The following MRTFA variants were observed in gnomAD, a reference collection of about 807,000 sequenced individuals.
MRTFA encodes the protein myocardin-related transcription factor A.
MRTFA carries 20 observed loss-of-function variants against 83.5 expected under a neutral mutation model. The observed-to-expected ratio is 0.24, with a 90% confidence interval of 0.17 to 0.35. MRTFA has a LOEUF of 0.35. MRTFA is among the 10% of genes least tolerant of loss of function. The pLI, the probability that MRTFA is intolerant of heterozygous loss-of-function variation, is 1.00. For synonymous variants in MRTFA, 659 were observed against 541.2 expected (o/e 1.22, Z -3.02); for missense variants, 1,200 against 1,224.7 (o/e 0.98, Z 0.30).
chr22:40,636,118 A>C (rs1035515339), intron 1 of MRTFA, among the ~76,000 whole-genome samples: 3 of 152,210 alleles, frequency 2.0e-5, no homozygotes, highest in African/African-American at 7.2e-5. Flanking sequence ...ACAAGACCCC[A>C]GAGAAAGCGG....
intron 1 of MRTFA, among the ~76,000 whole-genome samples, chr22:40,622,981 A>C (rs1373677330): frequency 6.6e-6 from 1 of 152,188 alleles, no homozygotes; most frequent in African/African-American, 2.4e-5. Flanking sequence ...TAAAGTGAGA[A>C]AGAGAAGATG....
intron 1 of MRTFA, among the ~76,000 whole-genome samples, chr22:40,629,860 G>A (rs1253741268): frequency 1.3e-5 from 2 of 149,966 alleles, no homozygotes; most frequent in Non-Finnish European, 3.0e-5. Context: ...GAGGCAGAAG[G>A]ATCACTTAAG....
chr22:40,413,996 A>T (rs2052620911), intron 14 of MRTFA, among the ~76,000 whole-genome samples: 1 of 152,218 alleles, frequency 6.6e-6, no homozygotes, highest in Non-Finnish European at 1.5e-5. Flanking sequence ...AAAACGTTAC[A>T]GCTGCAGTGG....
intron 1 of MRTFA, among the ~76,000 whole-genome samples, chr22:40,608,285 G>A (rs914385084): frequency 6.6e-6 from 1 of 152,112 alleles, no homozygotes; most frequent in African/African-American, 2.4e-5. Flanking sequence ...AACAGTTCTG[G>A]GATTACAGGC....
intron 3 of MRTFA, among the ~76,000 whole-genome samples, chr22:40,547,062 G>A (rs895537327): frequency 1.3e-5 from 2 of 152,094 alleles, no homozygotes; most frequent in Non-Finnish European, 2.9e-5. Context: ...GGCTGAGGCA[G>A]GAGAATGGTG....
chr22:40,554,353 T>C (rs1358834978), intron 2 of MRTFA, among the ~76,000 whole-genome samples: 3 of 152,214 alleles, frequency 2.0e-5, no homozygotes, highest in African/African-American at 7.2e-5. Flanking sequence ...TGAACTGTAG[T>C]TCCCATAATC....
intron 2 of MRTFA, among the ~76,000 whole-genome samples, chr22:40,556,232 G>A (rs1641531497): frequency 1.3e-5 from 2 of 152,130 alleles, no homozygotes; most frequent in African/African-American, 4.8e-5. Flanking sequence ...AAACTTTTAT[G>A]AGGACTTTAA....
chr22:40,534,771 T>A (rs1275821254), intron 3 of MRTFA, among the ~76,000 whole-genome samples: 1 of 152,236 alleles, frequency 6.6e-6, no homozygotes, highest in Non-Finnish European at 1.5e-5. Context: ...AATCCATGTT[T>A]GGTGTGTTTA....
intron 4 of MRTFA, among the ~76,000 whole-genome samples, chr22:40,460,144 G>A (rs1423978624): frequency 6.6e-6 from 1 of 151,794 alleles, no homozygotes; most frequent in Non-Finnish European, 1.5e-5. Flanking sequence ...AGGCTGGTCT[G>A]GAATTCCTGA....
chr22:40,581,303 A>C (rs2055943874), intron 2 of MRTFA, among the ~76,000 whole-genome samples: 1 of 152,190 alleles, frequency 6.6e-6, no homozygotes, highest in African/African-American at 2.4e-5. Flanking sequence ...ACACGTGTAC[A>C]TGTTTCCTTT....
At chr22:40,421,221 A>G in intron 9 of MRTFA, 121 bp from the exon 10 acceptor site, 1 of 1,161,856 alleles carries the variant, frequency 8.6e-7, no homozygotes, top group East Asian at 2.6e-5. Flanking sequence ...CACTTTGCCC[A>G]TTTCCACTCT....
chr22:40,411,585 G>A lies in MRTFA; in HGVS notation c.2901C>T (p.His967=), dbSNP rs2064824106. The change falls in exon 15 of 15, where the codon CAC becomes CAT. Residue 967 remains histidine, a synonymous_variant. Coordinates refer to ENST00000355630, the MANE Select transcript of MRTFA (RefSeq NM_020831.6). ...TGGTGCTGCTGGGCTCAGGAACAAA[G>A]TGCAATTCCGAGGTGTCCATGGGTG... The A allele has an allele frequency of 6.2e-7, 1 of 1,613,778 alleles. No individual in the cohort carries two copies. Among genetic ancestry groups the A allele is most frequent in the Non-Finnish European group, 8.5e-7 (1 of 1,179,998 alleles).
intron 2 of MRTFA, chr22:40,587,086 G>A (rs1392640390): frequency 2.2e-5 from 10 of 452,694 alleles, no homozygotes; most frequent in East Asian, 1.3e-4. Flanking sequence ...AGGACTCTAC[G>A]ATGAATCTTC....
intron 3 of MRTFA, among the ~76,000 whole-genome samples, chr22:40,478,150 G>A (rs1413517424): frequency 2.6e-5 from 4 of 152,160 alleles, no homozygotes; most frequent in African/African-American, 7.2e-5. Context: ...AAAGGAGGAA[G>A]TGGAGGTGAA....
intron 3 of MRTFA, chr22:40,463,520 T>C: frequency 6.6e-6 from 3 of 451,152 alleles, no homozygotes; most frequent in South Asian, 3.5e-5. Flanking sequence ...GCGATAACAA[T>C]CCACAAAGCA....
chr22:40,632,805 C>G (rs1212083319), intron 1 of MRTFA, among the ~76,000 whole-genome samples: 1 of 152,156 alleles, frequency 6.6e-6, no homozygotes, highest in Non-Finnish European at 1.5e-5. Flanking sequence ...TCCTGACTCA[C>G]AGAAACTGTG....
chr22:40,623,239 A>AC (rs1351067270), intron 1 of MRTFA, among the ~76,000 whole-genome samples: 2 of 152,138 alleles, frequency 1.3e-5, no homozygotes, highest in African/African-American at 4.8e-5. Flanking sequence ...CCCTTTACCC[A>AC]GCTCCAATCT....
At chr22:40,502,866 C>A (rs1336960988) in intron 3 of MRTFA, among the ~76,000 whole-genome samples, 1 of 152,204 alleles carries the variant, frequency 6.6e-6, no homozygotes, top group Admixed American at 6.5e-5. Flanking sequence ...TTACAATCTC[C>A]TTTATGAAGA....
In MRTFA at chr22:40,459,816, C is replaced by T. The variant is rs1294409490; in HGVS notation, c.307+3405G>A. On this transcript the variant is annotated intron_variant, in intron 4 of 14. Transcript: ENST00000355630. ...ACACACACACACACACACACACACA[C>T]ACACACATATATACATATATATATA... Among the ~76,000 whole-genome samples the T allele has an allele frequency of 8.7e-4, 82 of 94,302 alleles. No individual in the cohort carries two copies. The South Asian group carries it at 0.01, about 12-fold the overall frequency. The allele number at this position is 94,302 out of a possible 152,430, so 61.9% of individuals were successfully genotyped here. A position where few individuals can be genotyped will look rare whatever the true frequency, so the allele number is the denominator to read the frequency against.
Sources: gnomAD v4.1 joint callset for allele counts (sites outside exome capture counted in the v4.1 genomes callset) on GRCh38, gnomAD v4.1.1 for gene constraint, MANE v1.5 for transcripts, NCBI Gene and HGNC (gene_info 2026-07-23, HGNC 2026-07-21) for gene names.